The following UFSP2 variants were observed in gnomAD, a reference collection of about 807,000 sequenced individuals.
UFSP2 encodes UFM1 specific peptidase 2.
In UFSP2, 43 loss-of-function variants were observed where a neutral mutation model predicts 60.2. The observed-to-expected ratio is 0.71, with a 90% CI of 0.56 to 0.92. The LOEUF is 0.92. Ranked by LOEUF, UFSP2 falls within the 40% of genes least tolerant of loss-of-function variation. The pLI is 0.00. For synonymous variants in UFSP2, 183 were observed against 195.1 expected, an observed-to-expected ratio of 0.94 and a Z score of 0.52; for missense variants, 520 against 575.0, an observed-to-expected ratio of 0.90 and a Z score of 0.98.
intron 8 of UFSP2, 66 bp from the exon 9 acceptor site, chr4:185,408,126 A>G: frequency 6.4e-7 from 1 of 1,563,570 alleles, no homozygotes; most frequent in Non-Finnish European, 8.8e-7. Flanking sequence ...TGTTTAGGGC[A>G]TTTTCCCTGA....
intron 4 of UFSP2, 89 bp from the exon 5 acceptor site, chr4:185,415,956 A>G (rs1056746322): frequency 8.7e-7 from 1 of 1,152,680 alleles, no homozygotes; most frequent in African/African-American, 1.6e-5. Flanking sequence ...AAATGTATTT[A>G]TTATTAAGAA....
chr4:185,402,166 T>C (rs1007238245), intron 11 of UFSP2: 3 of 354,046 alleles, frequency 8.5e-6, no homozygotes, highest in Non-Finnish European at 5.6e-6. Flanking sequence ...CTAAAGGTTT[T>C]AGCTCCCGAA....
Position 185,418,620 on chromosome 4 carries a change from G to A in UFSP2, c.233C>T (p.Ala78Val). ...GCGCAGTATGTTCTTACAAGCAGAA[G>A]CATCAGTCAGTTCTCCAGGAATGGT... ...INTIPGELTDASACKNILRFI... is the reference protein window; with the variant it reads ...INTIPGELTDVSACKNILRFI... The change falls in exon 3 of 12, where the codon GCT becomes GTT. Residue 78 changes from alanine (A) to valine (V), a missense_variant. Physicochemically the swap from Ala to Val is moderately conservative, Grantham distance 64 (BLOSUM62 0). Transcript: ENST00000264689. 6.2e-7 allele frequency: 1 copy of A among 1,613,552 alleles called. No individual in the cohort carries two copies. The highest frequency in any genetic ancestry group is 8.5e-7 in the Non-Finnish European group (1 of 1,179,888).
rs2095511595 is a variant in UFSP2, at chr4:185,400,172, AT to A, written c.*219del. ...TGAAGATCCATTTAAGAACACATGT[AT>A]TTACATGCCTATAATATGCTGGTTG... is the stretch of plus-strand genomic sequence containing the variant. On this transcript the variant is annotated 3_prime_UTR_variant, in exon 12 of 12. Coordinates refer to ENST00000264689, the MANE Select transcript of UFSP2 (RefSeq NM_018359.5). 6.6e-6 allele frequency: 5 copies of A among 755,650 alleles called. No individual in the cohort carries two copies. The South Asian group carries it at 9.3e-5, about 14-fold the overall frequency. 46.8% of individuals were successfully genotyped at this position (755,650 alleles called of 1,614,324 possible). A position where few individuals can be genotyped will look rare whatever the true frequency, so the allele number is the denominator to read the frequency against.
chr4:185,425,963 GC>G lies in UFSP2; in HGVS notation c.-96del. 1 of 1,461,806 alleles carries G rather than the reference GC, an allele frequency of 6.8e-7. No homozygotes were observed. The highest frequency in any genetic ancestry group is 9.4e-7 in the Non-Finnish European group (1 of 1,067,932). 90.6% of individuals were successfully genotyped at this position (1,461,806 alleles called of 1,614,324 possible). The stretch of plus-strand genomic sequence containing the variant: ...TGTCACCGCACGGCCCAGGGGCGGG[GC>G]CCGGGCGGACCAACTACAACTCCCG... On this transcript the variant is annotated 5_prime_UTR_variant, in exon 1 of 12. Coordinates refer to ENST00000264689, the MANE Select transcript of UFSP2 (RefSeq NM_018359.5).
intron 6 of UFSP2, 126 bp downstream of exon 6, chr4:185,415,029 T>TA: frequency 2.7e-6 from 2 of 743,782 alleles, no homozygotes; most frequent in African/African-American, 1.9e-5. Flanking sequence ...GTAAAATGAA[T>TA]AGTCTAAATT....
At chr4:185,416,575 T>C (rs961316759) in intron 4 of UFSP2, among the ~76,000 whole-genome samples, 4 of 152,156 alleles carry the variant, frequency 2.6e-5, no homozygotes, top group African/African-American at 9.7e-5. Flanking sequence ...GAGGTATCAA[T>C]GTGATTTACA....
chr4:185,399,583 A>T lies in UFSP2; in HGVS notation c.*809T>A. 6.2e-7 allele frequency: 1 copy of T among 1,614,206 alleles called. No individual in the cohort carries two copies. The highest frequency in any genetic ancestry group is 1.1e-5 in the South Asian group (1 of 91,090). On this transcript the variant is annotated 3_prime_UTR_variant, in exon 12 of 12. Transcript: ENST00000264689. Reference sequence around the variant, plus strand: ...TCCTGTTTTCAGTTTATGTAATAAGAACGGGCAAACAGCTGAAGATCTCGC... The same window carrying T: ...TCCTGTTTTCAGTTTATGTAATAAGTACGGGCAAACAGCTGAAGATCTCGC...
At chr4:185,425,184 T>A (rs2095557247) in intron 1 of UFSP2, among the ~76,000 whole-genome samples, 1 of 152,134 alleles carries the variant, frequency 6.6e-6, no homozygotes, top group South Asian at 2.1e-4. Flanking sequence ...CAAGGATGAT[T>A]TCCAGGTTTT....
intron 11 of UFSP2, chr4:185,400,761 T>G: frequency 3.5e-6 from 1 of 287,698 alleles, no homozygotes; most frequent in Non-Finnish European, 6.4e-6. Flanking sequence ...GATTCTGAGA[T>G]GTATAGTTTT....
At chr4:185,425,136 A>G (rs1199358497) in intron 1 of UFSP2, among the ~76,000 whole-genome samples, 1 of 152,194 alleles carries the variant, frequency 6.6e-6, no homozygotes, top group African/African-American at 2.4e-5. Flanking sequence ...GGACTTGATT[A>G]TTGACTGCAT....
At chr4:185,410,949 A>AAT (rs1036632493) in intron 7 of UFSP2, among the ~76,000 whole-genome samples, 1 of 150,870 alleles carries the variant, frequency 6.6e-6, no homozygotes. Context: ...CCATCTCAAA[A>AAT]AAAAAAAAAA....
chr4:185,404,402 TCTC>T (rs749904022), intron 10 of UFSP2, among the ~76,000 whole-genome samples: 2 of 149,172 alleles, frequency 1.3e-5, no homozygotes, highest in African/African-American at 2.5e-5. Flanking sequence ...TTCAAGCAAT[TCTC>T]CTGCCTCAGC....
intron 11 of UFSP2, chr4:185,400,775 A>G (rs759490536): frequency 2.2e-5 from 6 of 274,452 alleles, no homozygotes; most frequent in African/African-American, 4.4e-5. Flanking sequence ...TAGTTTTACC[A>G]CTTGCAACTG....
intron 8 of UFSP2, 31 bp from the exon 9 acceptor site, chr4:185,408,091 T>C: frequency 6.2e-7 from 1 of 1,605,936 alleles, no homozygotes; most frequent in Non-Finnish European, 8.5e-7. Flanking sequence ...AAAACATCCA[T>C]ACACAAGACA....
At chr4:185,400,620 A>G (rs933001637) in intron 11 of UFSP2, 142 bp from the exon 12 acceptor site, 4 of 523,488 alleles carry the variant, frequency 7.6e-6, no homozygotes, top group African/African-American at 5.8e-5. Flanking sequence ...AATTCCTACT[A>G]GCATAGAAAA....
At chr4:185,413,502 A>G (rs917952042) in intron 7 of UFSP2, among the ~76,000 whole-genome samples, 3 of 152,250 alleles carry the variant, frequency 2.0e-5, no homozygotes, top group Non-Finnish European at 4.4e-5. Flanking sequence ...TAAAGAAATA[A>G]GAGAATTTTA....
At position 185,399,603 on chromosome 4, in the gene UFSP2, T is replaced by A; in HGVS notation, c.*789A>T. The stretch of plus-strand genomic sequence containing the variant: ...ATAAGAACGGGCAAACAGCTGAAGA[T>A]CTCGCTTGGTCATGTGGATTTCCAG... On this transcript the variant is annotated 3_prime_UTR_variant, in exon 12 of 12. Coordinates refer to ENST00000264689, the MANE Select transcript of UFSP2 (RefSeq NM_018359.5). 6.2e-7 allele frequency: 1 copy of A among 1,614,206 alleles called. No individual in the cohort carries two copies. The highest frequency in any genetic ancestry group is 8.5e-7 in the Non-Finnish European group (1 of 1,180,016).
chr4:185,413,772 C>G lies in UFSP2; in HGVS notation c.785G>C (p.Arg262Thr). The G allele has an allele frequency of 1.2e-6, 2 of 1,613,454 alleles. No individual in the cohort carries two copies. The highest frequency in any genetic ancestry group is 1.1e-5 in the South Asian group (1 of 90,996). Residue 262 changes from arginine (R) to threonine (T), a missense_variant, in exon 7 of 12, where the codon AGA becomes ACA. Arg to Thr is a moderately conservative substitution (Grantham distance 71). Coordinates refer to ENST00000264689, the MANE Select transcript of UFSP2 (RefSeq NM_018359.5). ...PDEPYKDGYI[R>T]NPHTYLNPPN... ...TGGATTAAGGTAAGTATGTGGATTT[C>G]TAATGTAACCATCTTTGTATGGCTC...
Sources: gnomAD v4.1 joint callset for allele counts (sites outside exome capture counted in the v4.1 genomes callset) on GRCh38, gnomAD v4.1.1 for gene constraint, MANE v1.5 for transcripts, NCBI Gene and HGNC (gene_info 2026-07-23, HGNC 2026-07-21) for gene names.